LAMA1: variants seen among roughly 807,000 people sequenced by gnomAD.
The protein encoded by LAMA1 is laminin subunit alpha 1, also known as laminin subunit alpha-1.
A neutral mutation model predicts 348.7 loss-of-function variants in LAMA1; 219 were observed. The ratio of observed to expected loss-of-function variants is 0.63; its 90% CI spans 0.56 to 0.70. The LOEUF (loss-of-function observed/expected upper bound fraction) is 0.70, where lower values mean the gene tolerates loss of function less well. Ranked by LOEUF, LAMA1 falls within the 30% of genes least tolerant of loss-of-function variation. LAMA1 has a pLI of 0.00. For missense variants in LAMA1, 3,744 were observed against 3,888.0 expected (o/e 0.96, Z 0.99); for synonymous variants, 1,487 against 1,491.0 (o/e 1.00, Z 0.06).
In LAMA1 at chr18:6,961,940, C is replaced by T. The variant is rs2057609960; in HGVS notation, c.7452+5G>A. 2.5e-6 allele frequency: 4 copies of T among 1,605,870 alleles called. No homozygotes were observed. The East Asian group carries it at 6.7e-5, about 27-fold the overall frequency. On this transcript the variant is annotated splice_donor_5th_base_variant and intron_variant, in intron 52 of 62. Transcript: ENST00000389658. ...CATTTGAACATTAATAACAATGTTTCCTACCTCCAGTAAACAGCCTTTTCT... is the reference window on the plus strand; with the variant it reads ...CATTTGAACATTAATAACAATGTTTTCTACCTCCAGTAAACAGCCTTTTCT...
chr18:7,063,602 T>C (rs184448537), intron 3 of LAMA1, among the ~76,000 whole-genome samples: 2 of 152,302 alleles, frequency 1.3e-5, no homozygotes, highest in African/African-American at 4.8e-5. Context: ...ACAGCCCAGG[T>C]ACCCGTTGAT....
chr18:6,976,340 T>C (rs1166777992), intron 44 of LAMA1, among the ~76,000 whole-genome samples: 1 of 152,186 alleles, frequency 6.6e-6, no homozygotes, highest in Non-Finnish European at 1.5e-5. Context: ...CATATAAGAT[T>C]TAATTCCTTA....
chr18:7,109,040 T>A (rs1194957076), intron 1 of LAMA1, among the ~76,000 whole-genome samples: 1 of 152,180 alleles, frequency 6.6e-6, no homozygotes, highest in African/African-American at 2.4e-5. Flanking sequence ...GAAAGGTTCT[T>A]GTGCCTCTGG....
intron 3 of LAMA1, among the ~76,000 whole-genome samples, chr18:7,078,790 C>T (rs1343123789): frequency 2.0e-5 from 3 of 151,844 alleles, no homozygotes; most frequent in Admixed American, 6.6e-5. Flanking sequence ...GAGATGAGAC[C>T]ATCCTGGCCA....
chr18:7,034,303 A>G (rs1406204229), intron 14 of LAMA1, among the ~76,000 whole-genome samples, 176 bp downstream of exon 14: 1 of 152,216 alleles, frequency 6.6e-6, no homozygotes, highest in Non-Finnish European at 1.5e-5. Context: ...AACTGTTCTT[A>G]CGTTTTCAAT....
At chr18:7,044,961 A>G (rs2058036101) in intron 6 of LAMA1, 122 bp from the exon 7 acceptor site, 1 of 789,932 alleles carries the variant, frequency 1.3e-6, no homozygotes, top group African/African-American at 1.7e-5. Context: ...AGGATATATG[A>G]TTATCATCAA....
At chr18:7,112,507 CAA>C (rs1242973474) in intron 1 of LAMA1, among the ~76,000 whole-genome samples, 2 of 151,908 alleles carry the variant, frequency 1.3e-5, no homozygotes, top group African/African-American at 4.8e-5. Context: ...GTGGTTACCT[CAA>C]AAGAGAGTAA....
chr18:7,064,971 C>A (rs1426606240), intron 3 of LAMA1, among the ~76,000 whole-genome samples: 1 of 152,162 alleles, frequency 6.6e-6, no homozygotes, highest in African/African-American at 2.4e-5. Context: ...CGCAGTGGCT[C>A]ACGCCTGTAA....
chr18:6,950,966 G>A lies in LAMA1; in HGVS notation c.8213C>T (p.Ser2738Leu), dbSNP rs1203624335. The A allele has an allele frequency of 8.7e-6, 14 of 1,613,302 alleles. No individual in the cohort carries two copies. The highest frequency in any genetic ancestry group is 1.6e-4 in the Middle Eastern group (1 of 6,076). Residue 2738 changes from serine to leucine, a missense_variant, in exon 58 of 63, where the codon TCG (serine) becomes TTG (leucine). By Grantham distance (145) the Ser-to-Leu change is moderately radical. Transcript: ENST00000389658. ...FNQSAVRKKL[S>L]VELSIRTFAS... is the part of the protein sequence containing the mutation. ...GAACGTGCGGATGCTTAGCTCAACC[G>A]AGAGCCTGGGGAAAACAAGTGCTCA...
chr18:7,004,643 C>T (rs763877195), intron 29 of LAMA1, among the ~76,000 whole-genome samples: 3 of 152,310 alleles, frequency 2.0e-5, no homozygotes, highest in Non-Finnish European at 2.9e-5. Flanking sequence ...TGAGCCACTG[C>T]GCCCGGCCCC....
Position 6,966,146 on chromosome 18 carries a change from C to T in LAMA1, c.7050+1G>A, listed in dbSNP as rs1043216324. On this transcript the variant is annotated splice_donor_variant, in intron 49 of 62. Coordinates refer to ENST00000389658, the MANE Select transcript of LAMA1 (RefSeq NM_005559.4). LOFTEE classifies it high-confidence loss of function. ...GCCTAGGGCCGCACAAACACTCTTACTGTGCCGTATGAACCCAGGTAGAGA... is the reference window on the plus strand; with the variant it reads ...GCCTAGGGCCGCACAAACACTCTTATTGTGCCGTATGAACCCAGGTAGAGA... 3.7e-6 allele frequency: 6 copies of T among 1,613,958 alleles called. No homozygotes were observed. The African/African-American group carries it at 8.0e-5, about 22-fold the overall frequency.
intron 3 of LAMA1, among the ~76,000 whole-genome samples, chr18:7,063,744 A>C (rs947846009): frequency 5.3e-5 from 8 of 152,216 alleles, no homozygotes; most frequent in African/African-American, 1.9e-4. Context: ...AAGTGAAATA[A>C]GCCAGACAAA....
chr18:7,010,520 A>C (rs1407872890), intron 25 of LAMA1, 135 bp from the exon 26 acceptor site: 3 of 855,560 alleles, frequency 3.5e-6, no homozygotes, highest in Non-Finnish European at 3.8e-6. Context: ...TGTTGTCTGG[A>C]ATTTGCTTCC....
At chr18:6,964,254 T>C in intron 51 of LAMA1, 1 of 290,162 alleles carries the variant, frequency 3.4e-6, no homozygotes, top group East Asian at 8.0e-5. Flanking sequence ...GGTTGAACCG[T>C]GTCCTCCCAA....
rs911167821 is a variant in LAMA1, at chr18:7,036,051, G to A, written c.1775C>T (p.Ser592Phe). The change falls in exon 13 of 63, where the codon TCC (serine) becomes TTC (phenylalanine). Residue 592 changes from serine to phenylalanine, a missense_variant. Physicochemically the swap from Ser to Phe is radical, Grantham distance 155. This residue lies in a region of LAMA1 where 1,529 missense variants were observed against 1,689.4 expected (regional missense o/e 0.91). Coordinates refer to ENST00000389658, the MANE Select transcript of LAMA1 (RefSeq NM_005559.4). Reference sequence around the variant, plus strand: ...TACCGTCTCTACCGGAATATCGTAGGACACCGTGTATTTCAGGAATCCGCC... The same window carrying A: ...TACCGTCTCTACCGGAATATCGTAGAACACCGTGTATTTCAGGAATCCGCC... ...AFGGFLKYTV[S>F]YDIPVETVDS... 2 of 1,614,052 alleles carry A rather than the reference G, an allele frequency of 1.2e-6. No homozygotes were observed. The highest frequency in any genetic ancestry group is 1.7e-6 in the Non-Finnish European group (2 of 1,180,008).
intron 23 of LAMA1, 50 bp downstream of exon 23, chr18:7,013,765 A>G (rs1346961723): frequency 6.3e-7 from 1 of 1,580,642 alleles, no homozygotes; most frequent in Non-Finnish European, 8.7e-7. Context: ...CCCAGGAGTC[A>G]TGATGAGGAG....
At chr18:6,995,888 C>T (rs1175291605) in intron 33 of LAMA1, among the ~76,000 whole-genome samples, 1 of 152,100 alleles carries the variant, frequency 6.6e-6, no homozygotes, top group Non-Finnish European at 1.5e-5. Flanking sequence ...CAACAGCCTT[C>T]TAATTTCTTG....
At chr18:6,975,094 C>G in intron 45 of LAMA1, 58 bp from the exon 46 acceptor site, 1 of 1,583,276 alleles carries the variant, frequency 6.3e-7, no homozygotes, top group South Asian at 1.1e-5. Context: ...TGCTGACCAC[C>G]ACAACACTTT....
chr18:6,999,586 T>G lies in LAMA1; in HGVS notation c.4522A>C (p.Lys1508Gln), dbSNP rs757715860. Residue 1508 changes from lysine (K) to glutamine (Q), a missense_variant, in exon 32 of 63, where the codon AAG becomes CAG. Physicochemically the swap from Lys to Gln is moderately conservative, Grantham distance 53 (BLOSUM62 1). Coordinates refer to ENST00000389658, the MANE Select transcript of LAMA1 (RefSeq NM_005559.4). ...NPQTPGGSCQ[K>Q]CDCNPHGSVH... Reference sequence around the variant, plus strand: ...GAGCCGTGCGGGTTGCAGTCACACTTCTGGCAACTGCCACCTGGTGTTTGA... The same window carrying G: ...GAGCCGTGCGGGTTGCAGTCACACTGCTGGCAACTGCCACCTGGTGTTTGA... 1 of 1,613,880 alleles carries G rather than the reference T, an allele frequency of 6.2e-7. No homozygotes were observed. Among genetic ancestry groups the G allele is most frequent in the East Asian group, 2.2e-5 (1 of 44,834 alleles).
Sources: gnomAD v4.1 joint callset for allele counts (sites outside exome capture counted in the v4.1 genomes callset) on GRCh38, gnomAD v4.1.1 for gene constraint, gnomAD v4.1.1 regional missense constraint, MANE v1.5 for transcripts, NCBI Gene and HGNC (gene_info 2026-07-23, HGNC 2026-07-21) for gene names.